RAB27B: variants seen among roughly 807,000 people sequenced by gnomAD.
RAB27B encodes the protein ras-related protein Rab-27B.
RAB27B carries 15 observed loss-of-function variants against 24.6 expected under a neutral mutation model. That is an observed-to-expected ratio of 0.61 (90% CI 0.41 to 0.94). RAB27B has a LOEUF of 0.94. Among genes scored for constraint, RAB27B ranks in the 40% least tolerant of loss-of-function variants. The pLI, the probability that RAB27B is intolerant of heterozygous loss-of-function variation, is 0.00. For synonymous variants in RAB27B, 105 were observed against 92.5 expected (o/e 1.14, Z -0.78); for missense variants, 261 against 266.8 (o/e 0.98, Z 0.15).
chr18:54,827,037 T>G (rs1200439841), upstream of RAB27B, among the ~76,000 whole-genome samples: 1 of 152,244 alleles, frequency 6.6e-6, no homozygotes, highest in Admixed American at 6.5e-5. Context: ...AAGGCTCTTA[T>G]GTTCTTTCTT....
chr18:54,787,739 A>C (rs1207927618), intron 2 of RAB27B, among the ~76,000 whole-genome samples: 1 of 152,166 alleles, frequency 6.6e-6, no homozygotes, highest in Non-Finnish European at 1.5e-5. Context: ...AAAAAAAAAA[A>C]AAAACCTTCT....
chr18:54,853,784 G>A (rs7238596), intron 1 of RAB27B, among the ~76,000 whole-genome samples: 33,162 of 152,002 alleles, frequency 0.22, 3,689 homozygotes, highest in South Asian at 0.32. Flanking sequence ...TGTAGCTTTT[G>A]TTAGTTTAGA....
intron 1 of RAB27B, among the ~76,000 whole-genome samples, chr18:54,843,023 C>T (rs1180275120): frequency 6.6e-6 from 1 of 152,150 alleles, no homozygotes; most frequent in Non-Finnish European, 1.5e-5. Context: ...GTCTCCATGT[C>T]CTGACCTCAT....
At chr18:54,770,495 C>G (rs1908509838) in intron 2 of RAB27B, among the ~76,000 whole-genome samples, 2 of 151,968 alleles carry the variant, frequency 1.3e-5, no homozygotes, top group South Asian at 4.2e-4. Flanking sequence ...GCAGAACAAG[C>G]TGAGGGCTCC....
At chr18:54,805,208 A>G (rs1387164763) in intron 2 of RAB27B, among the ~76,000 whole-genome samples, 1 of 152,048 alleles carries the variant, frequency 6.6e-6, no homozygotes, top group Non-Finnish European at 1.5e-5. Context: ...GGTTGGCATC[A>G]CAGACAGCAA....
intron 2 of RAB27B, among the ~76,000 whole-genome samples, chr18:54,878,058 TTAACTC>T (rs1466287586): frequency 6.6e-6 from 1 of 152,190 alleles, no homozygotes; most frequent in African/African-American, 2.4e-5. Context: ...TTTAAAAACA[TTAACTC>T]TGATCTGAGT....
intron 2 of RAB27B, among the ~76,000 whole-genome samples, chr18:54,807,112 G>T (rs1373145294): frequency 6.6e-6 from 1 of 152,104 alleles, no homozygotes; most frequent in Non-Finnish European, 1.5e-5. Context: ...TGTTGGCTAG[G>T]ATGGTCTCAA....
chr18:54,819,511 G>C (rs1244861112), intron 2 of RAB27B, among the ~76,000 whole-genome samples: 1 of 89,088 alleles, frequency 1.1e-5, no homozygotes, highest in Non-Finnish European at 2.1e-5. Flanking sequence ...CAGCGTGGGC[G>C]ACAGAACAAG....
rs564174372 is a variant in RAB27B at position 54,834,351 on chromosome 18, C to G, written c.-20+5651C>G. Among the ~76,000 whole-genome samples, 109 of 152,186 alleles carry G rather than the reference C, an allele frequency of 7.2e-4. 1 individual carries two copies. Among genetic ancestry groups the G allele is most frequent in the African/African-American group, 2.5e-3 (105 of 41,524 alleles). The stretch of plus-strand genomic sequence containing the variant: ...GATTTAAATCAAACCAGTAGGAAGT[C>G]TATTATTAGTCAAATATTGCTAGTG... On this transcript the variant is annotated intron_variant, in intron 1 of 5. Transcript: ENST00000262094.
intron 1 of RAB27B, among the ~76,000 whole-genome samples, chr18:54,844,531 C>G (rs777254489): frequency 1.3e-5 from 2 of 151,500 alleles, no homozygotes; most frequent in Admixed American, 1.3e-4. Context: ...CTCACCCTCC[C>G]GAGTAGCTGG....
chr18:54,837,696 G>A (rs1027776288), intron 1 of RAB27B, among the ~76,000 whole-genome samples: 1 of 152,016 alleles, frequency 6.6e-6, no homozygotes, highest in South Asian at 2.1e-4. Flanking sequence ...TTTATTTTCT[G>A]CAAGCACTAC....
chr18:54,722,057 G>T (rs1190004009), intron 2 of RAB27B, among the ~76,000 whole-genome samples: 1 of 152,192 alleles, frequency 6.6e-6, no homozygotes. Context: ...AAAATGAGAT[G>T]ATATATGTTG....
rs185797348 is a variant in RAB27B at position 54,835,543 on chromosome 18, G to A, written c.-20+6843G>A. 2.3e-4 allele frequency among the ~76,000 whole-genome samples: 35 copies of A among 151,902 alleles called. No individual in the cohort carries two copies. In the East Asian group the frequency reaches 5.6e-3, roughly 24 times the overall value. ...AAACGCTTCTATTAGGAAGAACCTA[G>A]GAAACAACACTGCAAAACATACGTT... is the stretch of plus-strand genomic sequence containing the variant. On this transcript the variant is annotated intron_variant, in intron 1 of 5. Transcript: ENST00000262094.
chr18:54,741,967 C>T (rs1053517203), intron 2 of RAB27B, among the ~76,000 whole-genome samples: 5 of 152,220 alleles, frequency 3.3e-5, no homozygotes, highest in African/African-American at 1.2e-4. Flanking sequence ...TGACATTCTA[C>T]CTTCTGGCAA....
chr18:54,809,427 A>G (rs949031219), intron 2 of RAB27B, among the ~76,000 whole-genome samples: 1 of 152,206 alleles, frequency 6.6e-6, no homozygotes, highest in Non-Finnish European at 1.5e-5. Context: ...ACCTAGTCCC[A>G]GGAGGAGGAA....
intron 2 of RAB27B, among the ~76,000 whole-genome samples, chr18:54,744,533 T>A (rs963376315): frequency 6.6e-6 from 1 of 152,172 alleles, no homozygotes; most frequent in Non-Finnish European, 1.5e-5. Context: ...TACACACAAA[T>A]GACAAATGTT....
Position 54,889,742 on chromosome 18 carries a change from C to A in RAB27B, c.*329C>A, listed in dbSNP as rs1913293002. The A allele has an allele frequency of 5.8e-6, 1 of 171,536 alleles. No individual in the cohort carries two copies. Among genetic ancestry groups the A allele is most frequent in the South Asian group, 2.0e-4 (1 of 5,128 alleles). The allele number at this position is 171,536 out of a possible 1,614,324, so 10.6% of individuals were successfully genotyped here. A position where few individuals can be genotyped will look rare whatever the true frequency, so the allele number is the denominator to read the frequency against. Reference sequence around the variant, plus strand: ...GTGAGTTTTAAATCAGAACAAGTTACCTGTCACATTGAAGAAAAGGGTAGG... The same window carrying A: ...GTGAGTTTTAAATCAGAACAAGTTAACTGTCACATTGAAGAAAAGGGTAGG... On this transcript the variant is annotated 3_prime_UTR_variant, in exon 6 of 6. Coordinates refer to ENST00000262094, the MANE Select transcript of RAB27B (RefSeq NM_004163.4).
intron 2 of RAB27B, among the ~76,000 whole-genome samples, chr18:54,738,197 C>G (rs984279174): frequency 2.6e-5 from 4 of 152,130 alleles, no homozygotes; most frequent in South Asian, 2.1e-4. Flanking sequence ...TTATAGCTGA[C>G]TGCCTTTGAA....
intron 1 of RAB27B, among the ~76,000 whole-genome samples, chr18:54,846,213 T>C (rs1911330958): frequency 6.6e-6 from 1 of 152,220 alleles, no homozygotes; most frequent in Non-Finnish European, 1.5e-5. Flanking sequence ...TATAGTGCTG[T>C]TGACGATGAG....
Sources: gnomAD v4.1 joint callset for allele counts (sites outside exome capture counted in the v4.1 genomes callset) on GRCh38, gnomAD v4.1.1 for gene constraint, MANE v1.5 for transcripts, NCBI Gene and HGNC (gene_info 2026-07-23, HGNC 2026-07-21) for gene names.